AFF2: variants seen among roughly 807,000 people sequenced by gnomAD.
AFF2 encodes the protein ALF transcription elongation factor 2.
In AFF2, 14 loss-of-function variants were observed where a neutral mutation model predicts 76.9. The ratio of observed to expected loss-of-function variants is 0.18; its 90% CI spans 0.12 to 0.28. The LOEUF is 0.28. AFF2 is among the 10% of genes least tolerant of loss of function. The pLI, the probability that AFF2 is intolerant of heterozygous loss-of-function variation, is 1.00. For synonymous variants in AFF2, 398 were observed against 366.7 expected, an observed-to-expected ratio of 1.09 and a Z score of -0.98; for missense variants, 868 against 1,001.1, an observed-to-expected ratio of 0.87 and a Z score of 1.79.
At chrX:148,573,560 T>C (rs1557242868) in intron 1 of AFF2, among the ~76,000 whole-genome samples, 5 of 111,197 alleles carry the variant, frequency 4.5e-5, no homozygotes, top group Non-Finnish European at 3.8e-5. Context: ...TTAGAATCTG[T>C]TTGCATTGGA....
chrX:148,630,780 C>G (rs1304760424), intron 1 of AFF2, among the ~76,000 whole-genome samples: 2 of 111,747 alleles, frequency 1.8e-5, no homozygotes, highest in African/African-American at 6.5e-5. Context: ...TTACAGGTTC[C>G]CCTCTCATGA....
intron 3 of AFF2, among the ~76,000 whole-genome samples, chrX:148,773,249 T>G (rs2069613226): frequency 9.0e-6 from 1 of 111,521 alleles, no homozygotes; most frequent in African/African-American, 3.3e-5. Context: ...TCCTGAATCA[T>G]ATTTAGATAT....
intron 3 of AFF2, among the ~76,000 whole-genome samples, chrX:148,732,958 A>G (rs1381507657): frequency 5.4e-5 from 6 of 111,551 alleles, no homozygotes; most frequent in Non-Finnish European, 7.5e-5. Context: ...TTTTCCTTGT[A>G]TATAAATAGC....
intron 1 of AFF2, among the ~76,000 whole-genome samples, chrX:148,635,419 A>G (rs1557253651): frequency 8.9e-6 from 1 of 111,840 alleles, no homozygotes; most frequent in African/African-American, 3.3e-5. Context: ...CAGCTCTGCC[A>G]ATACCTTGAT....
chrX:148,608,767 C>T (rs1019140352), intron 1 of AFF2, among the ~76,000 whole-genome samples: 1 of 111,210 alleles, frequency 9.0e-6, no homozygotes, highest in African/African-American at 3.3e-5. Context: ...TCAGACATCT[C>T]CAAAGTCTAC....
At chrX:148,507,627 G>T (rs998037065) in intron 1 of AFF2, among the ~76,000 whole-genome samples, 2 of 111,934 alleles carry the variant, frequency 1.8e-5, no homozygotes, top group African/African-American at 6.5e-5. Context: ...TATCATGACT[G>T]TTAAACAAAG....
At chrX:148,672,689 A>G (rs1281364823) in intron 3 of AFF2, among the ~76,000 whole-genome samples, 7 of 112,455 alleles carry the variant, frequency 6.2e-5, no homozygotes, top group African/African-American at 2.3e-4. Context: ...GGTTATAGTC[A>G]TGTGTTTTTC....
At chrX:148,988,779 G>T (rs192871371) in intron 20 of AFF2, among the ~76,000 whole-genome samples, 3 of 112,232 alleles carry the variant, frequency 2.7e-5, no homozygotes, top group African/African-American at 9.7e-5. Flanking sequence ...ATATCTGCAT[G>T]TATTGGTTCC....
chrX:148,539,989 G>T (rs1557237196), intron 1 of AFF2, among the ~76,000 whole-genome samples: 1 of 111,347 alleles, frequency 9.0e-6, no homozygotes, highest in Non-Finnish European at 1.9e-5. Context: ...AGAAAGACAC[G>T]ATTTAAGTTG....
At chrX:148,692,700 C>T (rs1436068595) in intron 3 of AFF2, among the ~76,000 whole-genome samples, 5 of 111,158 alleles carry the variant, frequency 4.5e-5, no homozygotes, top group African/African-American at 1.6e-4. Flanking sequence ...GTTCTATTTG[C>T]TTTCTTAGGT....
chrX:148,784,864 A>G (rs1263154188), intron 3 of AFF2, among the ~76,000 whole-genome samples: 2 of 111,066 alleles, frequency 1.8e-5, no homozygotes, highest in Non-Finnish European at 3.8e-5. Context: ...CGGCTCCCAA[A>G]CGGCTCACTG....
At chrX:148,602,280 A>T (rs1396904046) in intron 1 of AFF2, among the ~76,000 whole-genome samples, 6 of 111,841 alleles carry the variant, frequency 5.4e-5, no homozygotes. Flanking sequence ...ATAAAAGAAG[A>T]AGGCGGGGAC....
At chrX:148,745,029 G>A (rs989240226) in intron 3 of AFF2, among the ~76,000 whole-genome samples, 3 of 111,764 alleles carry the variant, frequency 2.7e-5, no homozygotes, top group African/African-American at 9.8e-5. Flanking sequence ...CTCTACCATG[G>A]CACAGGGAAT....
intron 1 of AFF2, among the ~76,000 whole-genome samples, chrX:148,614,729 CTTTCCTT>C (rs2053772471): frequency 1.6e-5 from 1 of 61,945 alleles, no homozygotes; most frequent in Non-Finnish European, 3.1e-5. Context: ...TTCTTTCTTT[CTTTCCTT>C]CTTTTCTTTC....
At chrX:148,746,988 C>G (rs1209873453) in intron 3 of AFF2, among the ~76,000 whole-genome samples, 3 of 111,991 alleles carry the variant, frequency 2.7e-5, no homozygotes, top group Non-Finnish European at 5.6e-5. Context: ...GGACGGGGTT[C>G]CTAGATACAG....
intron 9 of AFF2, among the ~76,000 whole-genome samples, chrX:148,916,689 C>T (rs782073993): frequency 6.3e-5 from 7 of 111,486 alleles, no homozygotes; most frequent in East Asian, 2.8e-4. Context: ...ATTGGACCAC[C>T]GCTGTATACA....
intron 1 of AFF2, among the ~76,000 whole-genome samples, chrX:148,601,049 A>G (rs1173598601): frequency 2.7e-5 from 3 of 112,567 alleles, no homozygotes; most frequent in Non-Finnish European, 5.6e-5. Context: ...CTGGAAGGCC[A>G]TGGAAAGGAG....
At chrX:148,894,196 A>C (rs1350664530) in intron 8 of AFF2, among the ~76,000 whole-genome samples, 1 of 111,603 alleles carries the variant, frequency 9.0e-6, no homozygotes, top group East Asian at 2.8e-4. Flanking sequence ...GCCACTTTGA[A>C]AAAGTAAGAT....
chrX:148,943,845 G>C (rs2071868981), intron 9 of AFF2, among the ~76,000 whole-genome samples: 1 of 111,979 alleles, frequency 8.9e-6, no homozygotes. Flanking sequence ...GGTTGATAAA[G>C]CCTCTGGTCT....
Sources: allele counts gnomAD v4.1 joint callset (sites outside exome capture counted in the v4.1 genomes callset), GRCh38; gene constraint gnomAD v4.1.1; transcripts MANE v1.5; gene names NCBI Gene and HGNC (gene_info 2026-07-23, HGNC 2026-07-21).